TNNI3K: variants seen among roughly 807,000 people sequenced by gnomAD.
TNNI3K encodes the protein TNNI3 interacting kinase.
TNNI3K carries 140 observed loss-of-function variants against 114.5 expected under a neutral mutation model. That is an observed-to-expected ratio of 1.22 (90% CI 1.07 to 1.41). The LOEUF is 1.41. Ranked by LOEUF, TNNI3K falls within the 40% of genes most tolerant of loss-of-function variation. TNNI3K has a pLI of 0.00. For missense variants in TNNI3K, 1,125 were observed against 1,007.6 expected, an observed-to-expected ratio of 1.12 and a Z score of -1.58; for synonymous variants, 347 against 347.5, an observed-to-expected ratio of 1.00 and a Z score of 0.02.
intron 20 of TNNI3K, among the ~76,000 whole-genome samples, chr1:74,457,790 G>T (rs1160866859): frequency 6.6e-6 from 1 of 152,114 alleles, no homozygotes; most frequent in Non-Finnish European, 1.5e-5. Context: ...CGTAAGTGGG[G>T]TATAGATAAT....
intron 20 of TNNI3K, among the ~76,000 whole-genome samples, chr1:74,462,185 T>C (rs549792184): frequency 2.8e-4 from 42 of 152,188 alleles, no homozygotes; most frequent in Non-Finnish European, 5.6e-4. Flanking sequence ...TAGGTAATCA[T>C]TCAGAATAAT....
intron 4 of TNNI3K, among the ~76,000 whole-genome samples, chr1:74,252,708 C>T (rs1049181712): frequency 6.6e-6 from 1 of 151,728 alleles, no homozygotes; most frequent in Non-Finnish European, 1.5e-5. Context: ...CTTAAGGCGG[C>T]ACGTCTGGAG....
At chr1:74,313,501 A>G (rs772294454) in intron 5 of TNNI3K, among the ~76,000 whole-genome samples, 2 of 152,148 alleles carry the variant, frequency 1.3e-5, no homozygotes, top group Non-Finnish European at 2.9e-5. Flanking sequence ...TCATTTGGTC[A>G]GGCATTTTCC....
chr1:74,291,465 C>G (rs536056897), intron 5 of TNNI3K, among the ~76,000 whole-genome samples: 2 of 151,598 alleles, frequency 1.3e-5, no homozygotes, highest in Admixed American at 1.3e-4. Context: ...GCACATTATA[C>G]AGATTATCTT....
At chr1:74,394,476 C>T (rs1663966832) in intron 17 of TNNI3K, among the ~76,000 whole-genome samples, 1 of 152,154 alleles carries the variant, frequency 6.6e-6, no homozygotes, top group Admixed American at 6.5e-5. Flanking sequence ...CTTAAGTCAG[C>T]AAACTACAGA....
chr1:74,243,371 A>G (rs1654366288), intron 2 of TNNI3K, among the ~76,000 whole-genome samples: 1 of 152,212 alleles, frequency 6.6e-6, no homozygotes. Context: ...TGCAATGAAT[A>G]GGCAAGAAGT....
intron 24 of TNNI3K, among the ~76,000 whole-genome samples, chr1:74,542,823 A>T (rs1646741630): frequency 6.6e-6 from 1 of 152,136 alleles, no homozygotes; most frequent in Non-Finnish European, 1.5e-5. Context: ...GTGAAAAGAA[A>T]ACTGCTTCCC....
At chr1:74,378,722 G>A (rs1010623514) in intron 17 of TNNI3K, 1 of 144,806 alleles carries the variant, frequency 6.9e-6, no homozygotes, top group African/African-American at 2.6e-5. Flanking sequence ...TGACGCTGAG[G>A]GCTTGGCATT....
intron 17 of TNNI3K, among the ~76,000 whole-genome samples, chr1:74,413,774 AATG>A (rs1248505874): frequency 6.6e-6 from 1 of 152,188 alleles, no homozygotes; most frequent in Non-Finnish European, 1.5e-5. Flanking sequence ...ATTTCTTAAT[AATG>A]TTCCAAGTGT....
At chr1:74,341,387 A>G (rs1196059113) in intron 7 of TNNI3K, among the ~76,000 whole-genome samples, 1 of 152,148 alleles carries the variant, frequency 6.6e-6, no homozygotes, top group African/African-American at 2.4e-5. Context: ...ACGCTTTCCA[A>G]TCATGATCCT....
chr1:74,306,457 G>T (rs572523478), intron 5 of TNNI3K, among the ~76,000 whole-genome samples: 12 of 152,308 alleles, frequency 7.9e-5, no homozygotes, highest in Non-Finnish European at 1.6e-4. Context: ...TCTCCAAACT[G>T]CTTTCCACAG....
intron 23 of TNNI3K, among the ~76,000 whole-genome samples, chr1:74,534,908 T>A (rs1384893211): frequency 1.3e-5 from 2 of 152,188 alleles, no homozygotes; most frequent in Non-Finnish European, 2.9e-5. Context: ...CTAAATGCAA[T>A]GGTTCCTTCA....
intron 20 of TNNI3K, among the ~76,000 whole-genome samples, chr1:74,463,139 A>C (rs1667519954): frequency 6.6e-6 from 1 of 152,194 alleles, no homozygotes; most frequent in Non-Finnish European, 1.5e-5. Flanking sequence ...TTATAATATC[A>C]TGTACATACC....
At chr1:74,440,058 AAAG>A (rs45628732) in intron 20 of TNNI3K, among the ~76,000 whole-genome samples, 4,579 of 152,194 alleles carry the variant, frequency 0.03, 90 homozygotes, top group Non-Finnish European at 0.047. Flanking sequence ...ACATCATAAA[AAAG>A]AAGATGGGTT....
intron 17 of TNNI3K, among the ~76,000 whole-genome samples, chr1:74,426,944 TTGTTAGTCAAATGA>T (rs1240888685): frequency 6.6e-6 from 1 of 152,042 alleles, no homozygotes; most frequent in African/African-American, 2.4e-5. Context: ...AAAAGAATAG[TTGTTAGTCAAATGA>T]TTCATTAGGT....
chr1:74,354,167 T>G (rs748312634), intron 11 of TNNI3K, 38 bp downstream of exon 11: 8 of 1,612,484 alleles, frequency 5.0e-6, no homozygotes, highest in Non-Finnish European at 6.8e-6. Context: ...AGTGATACAT[T>G]GAACTGTGTG....
intron 20 of TNNI3K, among the ~76,000 whole-genome samples, chr1:74,440,250 C>A (rs773017069): frequency 1.3e-5 from 2 of 152,022 alleles, no homozygotes; most frequent in Non-Finnish European, 2.9e-5. Flanking sequence ...TTAAAGTAAA[C>A]TTCATTTGCA....
At chr1:74,462,166 T>C (rs1189042000) in intron 20 of TNNI3K, among the ~76,000 whole-genome samples, 1 of 152,218 alleles carries the variant, frequency 6.6e-6, no homozygotes, top group Non-Finnish European at 1.5e-5. Flanking sequence ...AATTTACAAT[T>C]GGCAAAATTA....
intron 5 of TNNI3K, among the ~76,000 whole-genome samples, chr1:74,280,962 A>G (rs1416262330): frequency 6.6e-6 from 1 of 151,974 alleles, no homozygotes; most frequent in Non-Finnish European, 1.5e-5. Flanking sequence ...TTGTCTTGCA[A>G]CTTGGGTAAC....
Sources: gnomAD v4.1 joint callset for allele counts (sites outside exome capture counted in the v4.1 genomes callset) on GRCh38, gnomAD v4.1.1 for gene constraint, MANE v1.5 for transcripts, NCBI Gene and HGNC (gene_info 2026-07-23, HGNC 2026-07-21) for gene names.